Variants in MCPH1 observed in about 807,000 individuals in gnomAD.
MCPH1 encodes microcephalin.
Under a neutral mutation model 84.5 loss-of-function variants are expected in MCPH1, and 104 were observed. That is an observed-to-expected ratio of 1.23 (90% CI 1.05 to 1.45). The LOEUF is 1.45. MCPH1 is among the 40% of genes most tolerant of loss of function. The pLI, the probability that MCPH1 is intolerant of heterozygous loss-of-function variation, is 0.00. For missense variants in MCPH1, 1,498 were observed against 1,005.7 expected, an observed-to-expected ratio of 1.49 and a Z score of -6.62; for synonymous variants, 514 against 366.8, an observed-to-expected ratio of 1.40 and a Z score of -4.58.
chr8:6,595,362 C>T (rs546593034), intron 12 of MCPH1, among the ~76,000 whole-genome samples: 1 of 151,980 alleles, frequency 6.6e-6, no homozygotes, highest in Non-Finnish European at 1.5e-5. Context: ...GGAGTGTGGA[C>T]TCGAGTCCAC....
intron 12 of MCPH1, among the ~76,000 whole-genome samples, chr8:6,569,478 G>T (rs1279221968): frequency 6.6e-6 from 1 of 152,222 alleles, no homozygotes; most frequent in African/African-American, 2.4e-5. Flanking sequence ...AGGAAGGACA[G>T]TTCCAGCCAT....
intron 8 of MCPH1, chr8:6,447,051 C>T (rs1254303053): frequency 5.2e-5 from 51 of 985,258 alleles, no homozygotes; most frequent in East Asian, 2.3e-4. Context: ...ATTCTGTGTG[C>T]GCTAGTGCGA....
intron 9 of MCPH1, among the ~76,000 whole-genome samples, chr8:6,459,777 T>C (rs1806076782): frequency 6.6e-6 from 1 of 152,232 alleles, no homozygotes; most frequent in Non-Finnish European, 1.5e-5. Flanking sequence ...ATGTCCTATC[T>C]GGGCAGCCCT....
chr8:6,626,437 A>G, intron 13 of MCPH1: 1 of 984,014 alleles, frequency 1.0e-6, no homozygotes, highest in African/African-American at 1.8e-5. Flanking sequence ...ATTCAACCAG[A>G]AGGAGAAATG....
chr8:6,493,425 G>T (rs1017440646), intron 11 of MCPH1, among the ~76,000 whole-genome samples: 2 of 152,174 alleles, frequency 1.3e-5, no homozygotes, highest in Non-Finnish European at 2.9e-5. Context: ...TCACCACCTG[G>T]AATTCAGTCT....
intron 8 of MCPH1, chr8:6,446,965 G>T (rs1262400914): frequency 1.0e-6 from 1 of 985,298 alleles, no homozygotes; most frequent in African/African-American, 1.7e-5. Flanking sequence ...CCCTGGTGGG[G>T]ACGGAGAGGT....
intron 12 of MCPH1, among the ~76,000 whole-genome samples, chr8:6,581,760 T>A (rs907910578): frequency 2.6e-5 from 4 of 152,294 alleles, no homozygotes; most frequent in Admixed American, 2.6e-4. Flanking sequence ...CTGGGTGTCT[T>A]ATAAACGATA....
intron 12 of MCPH1, among the ~76,000 whole-genome samples, chr8:6,522,303 T>A (rs1018807987): frequency 6.6e-6 from 1 of 150,720 alleles, no homozygotes; most frequent in Non-Finnish European, 1.5e-5. Context: ...TGCAGTGAGC[T>A]GAGATCATGC....
chr8:6,563,850 G>T (rs569472519), intron 12 of MCPH1, among the ~76,000 whole-genome samples: 13 of 152,016 alleles, frequency 8.6e-5, no homozygotes, highest in African/African-American at 3.1e-4. Context: ...TCTGAGCTCT[G>T]ACCTTTATTC....
chr8:6,479,535 C>T (rs927790771), intron 10 of MCPH1, among the ~76,000 whole-genome samples: 20 of 151,700 alleles, frequency 1.3e-4, no homozygotes, highest in Admixed American at 1.1e-3. Context: ...CCCGGGTTCA[C>T]GCCATTCTCC....
intron 12 of MCPH1, among the ~76,000 whole-genome samples, chr8:6,531,160 T>G (rs1420377403): frequency 6.6e-6 from 1 of 151,964 alleles, no homozygotes; most frequent in Non-Finnish European, 1.5e-5. Flanking sequence ...TAATAGCAGC[T>G]TTTCCCTTTC....
intron 9 of MCPH1, among the ~76,000 whole-genome samples, chr8:6,471,683 G>A (rs1180484150): frequency 1.3e-5 from 2 of 151,438 alleles, no homozygotes; most frequent in South Asian, 2.1e-4. Context: ...TCATGAATCC[G>A]TCTGCTTCTC....
In MCPH1 at chr8:6,442,071, C is replaced by T; in HGVS notation, c.585C>T (p.Ser195=). Residue 195 remains serine, a synonymous_variant, in exon 7 of 14, where the codon TCC becomes TCT. Transcript: ENST00000344683. ...EKRENLSPTS[S]QMIQQSHDNP... Reference sequence around the variant, plus strand: ...GTGTCTTGGTCCTGTTTTTAGCTTCCCAAATGATTCAGCAGTCTCATGATA... The same window carrying T: ...GTGTCTTGGTCCTGTTTTTAGCTTCTCAAATGATTCAGCAGTCTCATGATA... 2 of 1,611,564 alleles carry T rather than the reference C, an allele frequency of 1.2e-6. No homozygotes were observed. The highest frequency in any genetic ancestry group is 1.7e-6 in the Non-Finnish European group (2 of 1,177,758).
chr8:6,553,556 C>T (rs73664546), intron 12 of MCPH1, among the ~76,000 whole-genome samples: 2,000 of 152,208 alleles, frequency 0.013, 25 homozygotes, highest in South Asian at 0.06. Context: ...TGGTATAGAA[C>T]GCCTTTATTC....
intron 3 of MCPH1, among the ~76,000 whole-genome samples, chr8:6,421,099 G>A (rs1442125349): frequency 2.0e-5 from 3 of 152,206 alleles, no homozygotes; most frequent in Non-Finnish European, 4.4e-5. Context: ...ATTGAGCACA[G>A]GCAGCTTGTT....
intron 12 of MCPH1, among the ~76,000 whole-genome samples, chr8:6,504,364 C>CGTTCT (rs893290404): frequency 2.0e-5 from 3 of 151,540 alleles, no homozygotes; most frequent in African/African-American, 7.3e-5. Flanking sequence ...AATTGCATGC[C>CGTTCT]GTTCTGAGTA....
At chr8:6,406,754 G>T (rs1282060300) in intron 1 of MCPH1, 65 bp downstream of exon 1, 12 of 1,575,112 alleles carry the variant, frequency 7.6e-6, no homozygotes, top group Non-Finnish European at 8.7e-6. Flanking sequence ...CTCGTCGCGG[G>T]CGCACTCGGG....
intron 12 of MCPH1, among the ~76,000 whole-genome samples, chr8:6,576,733 A>G (rs1827154970): frequency 1.3e-5 from 1 of 78,824 alleles, no homozygotes; most frequent in Non-Finnish European, 2.4e-5. Context: ...TTTTTAGTAG[A>G]GATGGGTTTT....
At chr8:6,595,799 G>C (rs2129577948) in intron 12 of MCPH1, among the ~76,000 whole-genome samples, 1 of 152,328 alleles carries the variant, frequency 6.6e-6, no homozygotes. Context: ...GGCAAGAGTT[G>C]ATGCAGACAG....
Sources: gnomAD v4.1 joint callset for allele counts (sites outside exome capture counted in the v4.1 genomes callset) on GRCh38, gnomAD v4.1.1 for gene constraint, MANE v1.5 for transcripts, NCBI Gene and HGNC (gene_info 2026-07-23, HGNC 2026-07-21) for gene names.